PCDH15: variants seen among roughly 807,000 people sequenced by gnomAD.
The protein encoded by PCDH15 is protocadherin related 15.
PCDH15 carries 129 observed loss-of-function variants against 178.5 expected under a neutral mutation model. The ratio of observed to expected loss-of-function variants is 0.72; its 90% CI spans 0.63 to 0.84. PCDH15 has a LOEUF of 0.84. Ranked by LOEUF, PCDH15 falls within the 40% of genes least tolerant of loss-of-function variation. The pLI is 0.00. For synonymous variants in PCDH15, 800 were observed against 732.0 expected (o/e 1.09, Z -1.50); for missense variants, 2,230 against 2,099.9 (o/e 1.06, Z -1.21).
intron 25 of PCDH15, among the ~76,000 whole-genome samples, chr10:53,917,548 C>A (rs1409467409): frequency 6.6e-6 from 1 of 152,112 alleles, no homozygotes; most frequent in Non-Finnish European, 1.5e-5. Flanking sequence ...GATACATGGG[C>A]TGTAGTTATT....
At chr10:53,831,583 C>G in intron 29 of PCDH15, 50 bp from the exon 30 acceptor site, 1 of 1,320,596 alleles carries the variant, frequency 7.6e-7, no homozygotes. Context: ...AGAGAAAGAG[C>G]ATTTTAAAAA....
intron 1 of PCDH15, among the ~76,000 whole-genome samples, chr10:54,773,569 G>A (rs1327170981): frequency 1.3e-5 from 2 of 152,092 alleles, no homozygotes; most frequent in African/African-American, 2.4e-5. Context: ...GAGAAGGAGA[G>A]ATCTCACTAA....
intron 13 of PCDH15, among the ~76,000 whole-genome samples, chr10:54,156,420 T>C (rs1336189576): frequency 6.6e-6 from 1 of 152,060 alleles, no homozygotes; most frequent in African/African-American, 2.4e-5. Context: ...GAAAGGTGCA[T>C]CTTATGTGGC....
chr10:54,640,077 T>C (rs982617515), intron 2 of PCDH15, among the ~76,000 whole-genome samples: 2 of 151,850 alleles, frequency 1.3e-5, no homozygotes, highest in Admixed American at 6.6e-5. Flanking sequence ...CCTGGCAACA[T>C]AGCAAGACCC....
chr10:54,336,437 C>T (rs1022139854), intron 6 of PCDH15, among the ~76,000 whole-genome samples: 1 of 152,176 alleles, frequency 6.6e-6, no homozygotes, highest in East Asian at 1.9e-4. Flanking sequence ...GGGCCAGGTC[C>T]TGGACCCCCC....
intron 2 of PCDH15, among the ~76,000 whole-genome samples, chr10:55,480,167 A>G (rs1840149069): frequency 6.6e-6 from 1 of 151,424 alleles, no homozygotes; most frequent in Non-Finnish European, 1.5e-5. Context: ...GTCATGTATG[A>G]TTTATTTTAC....
chr10:55,304,157 GT>G (rs903857236), intron 1 of PCDH15, among the ~76,000 whole-genome samples: 18 of 152,124 alleles, frequency 1.2e-4, no homozygotes, highest in South Asian at 1.0e-3. Context: ...TGTGACCAGA[GT>G]TTTTTTCTTG....
rs147822853 is a variant in PCDH15 at position 55,237,081 on chromosome 10, C to T, written c.-155-70430G>A. ...AAACTATAAATTTATGTATTACTTGCAAACATGCAGAATCTAACAAATCAT... is the reference window on the plus strand; with the variant it reads ...AAACTATAAATTTATGTATTACTTGTAAACATGCAGAATCTAACAAATCAT... On this transcript the variant is annotated intron_variant, in intron 1 of 5. Coordinates refer to the PCDH15 transcript ENST00000458638. 4.7e-3 allele frequency among the ~76,000 whole-genome samples: 709 copies of T among 152,188 alleles called. 5 individuals carry two copies. Among genetic ancestry groups the T allele is most frequent in the African/African-American group, 0.016 (669 of 41,552 alleles).
intron 1 of PCDH15, among the ~76,000 whole-genome samples, chr10:54,676,128 C>G (rs537783266): frequency 3.8e-4 from 57 of 151,932 alleles, no homozygotes; most frequent in African/African-American, 1.4e-3. Flanking sequence ...GATGTTTGTA[C>G]ATAAATATAT....
At chr10:55,582,621 TATATA>T (rs1209967799) in intron 2 of PCDH15, among the ~76,000 whole-genome samples, 2,373 of 94,486 alleles carry the variant, frequency 0.025, 67 homozygotes, top group African/African-American at 0.056. Context: ...TATATATATA[TATATA>T]TATTTTTTTT....
At chr10:54,227,550 G>A (rs2053583631) in intron 9 of PCDH15, among the ~76,000 whole-genome samples, 1 of 152,144 alleles carries the variant, frequency 6.6e-6, no homozygotes. Flanking sequence ...CCTCTGAAAT[G>A]TCCTGGAGAC....
chr10:54,341,341 T>C (rs1942189216), intron 6 of PCDH15, among the ~76,000 whole-genome samples: 1 of 152,178 alleles, frequency 6.6e-6, no homozygotes, highest in African/African-American at 2.4e-5. Flanking sequence ...CGAGATCTGA[T>C]GGTTTAAAAG....
intron 2 of PCDH15, among the ~76,000 whole-genome samples, chr10:55,504,375 T>G (rs1182864975): frequency 6.6e-6 from 1 of 151,436 alleles, no homozygotes; most frequent in Non-Finnish European, 1.5e-5. Flanking sequence ...TATTTCATTA[T>G]TTTTAAAAAT....
At chr10:53,922,103 G>A (rs564408235) in intron 25 of PCDH15, among the ~76,000 whole-genome samples, 2 of 151,978 alleles carry the variant, frequency 1.3e-5, no homozygotes, top group Non-Finnish European at 2.9e-5. Context: ...ATCAAGGTAG[G>A]TGTATTCAAA....
At chr10:54,489,153 T>G (rs1385087751) in intron 3 of PCDH15, among the ~76,000 whole-genome samples, 1 of 152,096 alleles carries the variant, frequency 6.6e-6, no homozygotes, top group Non-Finnish European at 1.5e-5. Context: ...TAAATTGGGT[T>G]AATACTTTCT....
At chr10:54,563,763 T>C (rs1473427193) in intron 2 of PCDH15, among the ~76,000 whole-genome samples, 1 of 152,150 alleles carries the variant, frequency 6.6e-6, no homozygotes, top group Non-Finnish European at 1.5e-5. Context: ...TTTCCTGTTC[T>C]AGTTGTGTAT....
intron 2 of PCDH15, among the ~76,000 whole-genome samples, chr10:55,140,823 T>G (rs1838333116): frequency 6.6e-6 from 1 of 151,954 alleles, no homozygotes; most frequent in Non-Finnish European, 1.5e-5. Context: ...TTGTGGTGGT[T>G]TGTTTCTTGA....
chr10:54,725,829 C>A (rs2132569592), intron 1 of PCDH15, among the ~76,000 whole-genome samples: 1 of 151,410 alleles, frequency 6.6e-6, no homozygotes, highest in Non-Finnish European at 1.5e-5. Flanking sequence ...AAAGTTGGAA[C>A]TGGAATTCTT....
chr10:55,403,794 G>C (rs115354331), intron 2 of PCDH15, among the ~76,000 whole-genome samples: 1,818 of 151,950 alleles, frequency 0.012, 39 homozygotes, highest in African/African-American at 0.04. Flanking sequence ...GTATTGCTTT[G>C]TCTGTTTGAC....
Sources: gnomAD v4.1 joint callset for allele counts (sites outside exome capture counted in the v4.1 genomes callset) on GRCh38, gnomAD v4.1.1 for gene constraint, MANE v1.5 for transcripts, NCBI Gene and HGNC (gene_info 2026-07-23, HGNC 2026-07-21) for gene names.